The following PM20D1 variants were observed in gnomAD, a reference collection of about 807,000 sequenced individuals.
PM20D1 encodes the protein N-fatty-acyl-amino acid synthase/hydrolase PM20D1.
Under a neutral mutation model 53.8 loss-of-function variants are expected in PM20D1, and 53 were observed. That is an observed-to-expected ratio of 0.98 (90% CI 0.79 to 1.24). The LOEUF (loss-of-function observed/expected upper bound fraction) is 1.24. PM20D1 is among the 50% of genes most tolerant of loss of function. PM20D1 has a pLI of 0.00. For synonymous variants in PM20D1, 239 were observed against 241.3 expected, an observed-to-expected ratio of 0.99 and a Z score of 0.09; for missense variants, 564 against 616.8, an observed-to-expected ratio of 0.91 and a Z score of 0.91.
chr1:205,832,130 G>A (rs1656575395), intron 11 of PM20D1, among the ~76,000 whole-genome samples: 1 of 152,188 alleles, frequency 6.6e-6, no homozygotes, highest in Non-Finnish European at 1.5e-5. Context: ...GGCTGCAGAA[G>A]GGGAACAGAG....
intron 1 of PM20D1, 121 bp from the exon 2 acceptor site, chr1:205,848,092 A>C (rs1433186195): frequency 2.3e-5 from 20 of 873,794 alleles, no homozygotes; most frequent in Non-Finnish European, 3.3e-5. Flanking sequence ...GCAAAACACT[A>C]ATGTGAGGTA....
chr1:205,843,700 G>T lies in PM20D1; in HGVS notation c.794C>A (p.Thr265Lys). Residue 265 changes from threonine (T) to lysine (K), a missense_variant, in exon 6 of 13, where the codon ACA (threonine) becomes AAA (lysine). Coordinates refer to ENST00000367136, the MANE Select transcript of PM20D1 (RefSeq NM_152491.5). ...SGHSSAPPKETSIGILAAAVS... is the reference protein window; with the variant it reads ...SGHSSAPPKEKSIGILAAAVS... Reference sequence around the variant, plus strand: ...AGCAGCTGCAAGGATGCCAATGCTTGTCTCCTTTGGAGGAGCTGAAGAGTG... The same window carrying T: ...AGCAGCTGCAAGGATGCCAATGCTTTTCTCCTTTGGAGGAGCTGAAGAGTG... 1 of 1,614,110 alleles carries T rather than the reference G, an allele frequency of 6.2e-7. No individual in the cohort carries two copies. Among genetic ancestry groups the T allele is most frequent in the East Asian group, 2.2e-5 (1 of 44,880 alleles).
rs148506388 is a variant in PM20D1 at position 205,844,778 on chromosome 1, G to A, written c.576+33C>T. The A allele has an allele frequency of 3.2e-4, 512 of 1,593,774 alleles. No individual in the cohort carries two copies. In the Middle Eastern group the frequency reaches 3.5e-3, roughly 11 times the overall value. ...ACCCACTCCCCTACCCTCAACAGAGGACAGAGATAGGTATAAGGTGAGGAG... is the reference window on the plus strand; with the variant it reads ...ACCCACTCCCCTACCCTCAACAGAGAACAGAGATAGGTATAAGGTGAGGAG... On this transcript the variant is annotated intron_variant, in intron 4 of 12. Coordinates refer to ENST00000367136, the MANE Select transcript of PM20D1 (RefSeq NM_152491.5).
At chr1:205,844,785 A>T in intron 4 of PM20D1, 26 bp downstream of exon 4, 2 of 1,600,360 alleles carry the variant, frequency 1.2e-6, no homozygotes, top group Non-Finnish European at 1.7e-6. Flanking sequence ...GAGGACAGAG[A>T]TAGGTATAAG....
rs755674383 is a variant in PM20D1 at position 205,843,768 on chromosome 1, C to T, written c.726G>A (p.Lys242=). ...KPIALIAVSE[K]GSMNLMLQVN... Reference sequence around the variant, plus strand: ...CTTGCAGCATGAGGTTCATGGAACCCTTCTCTGAGACTGCAATCCTGTAGA... The same window carrying T: ...CTTGCAGCATGAGGTTCATGGAACCTTTCTCTGAGACTGCAATCCTGTAGA... The change falls in exon 6 of 13, where the codon AAG becomes AAA. Residue 242 remains lysine (K), a synonymous_variant. Coordinates refer to ENST00000367136, the MANE Select transcript of PM20D1 (RefSeq NM_152491.5). 8.1e-6 allele frequency: 13 copies of T among 1,613,908 alleles called. No individual in the cohort carries two copies. In the African/African-American group the frequency reaches 1.6e-4, roughly 20 times the overall value.
chr1:205,830,131 T>C (rs1656524959), intron 12 of PM20D1, 149 bp downstream of exon 12: 3 of 594,642 alleles, frequency 5.0e-6, no homozygotes, highest in Admixed American at 5.9e-5. Flanking sequence ...GGACAGTAGA[T>C]GGGTTAGGTT....
intron 11 of PM20D1, among the ~76,000 whole-genome samples, chr1:205,832,143 G>A (rs1656575771): frequency 6.6e-6 from 1 of 152,188 alleles, no homozygotes; most frequent in African/African-American, 2.4e-5. Context: ...GAACAGAGGG[G>A]TGCTGCTGGG....
At chr1:205,845,106 G>C (rs552785813) in intron 3 of PM20D1, among the ~76,000 whole-genome samples, 2 of 152,250 alleles carry the variant, frequency 1.3e-5, no homozygotes, top group East Asian at 3.9e-4. Context: ...AAACATATCA[G>C]TGTCAGGACT....
chr1:205,832,522 G>A, intron 11 of PM20D1, 76 bp downstream of exon 11: 1 of 1,500,356 alleles, frequency 6.7e-7, no homozygotes, highest in Non-Finnish European at 9.2e-7. Flanking sequence ...CTAGGGTGGG[G>A]GTGGGGAAGT....
chr1:205,846,633 A>G (rs764045322), intron 2 of PM20D1, among the ~76,000 whole-genome samples: 6 of 152,216 alleles, frequency 3.9e-5, no homozygotes, highest in Non-Finnish European at 7.3e-5. Flanking sequence ...TTAAAAAGCC[A>G]CACATCTAGT....
intron 11 of PM20D1, among the ~76,000 whole-genome samples, chr1:205,832,294 C>A (rs1318684749): frequency 6.6e-6 from 1 of 152,134 alleles, no homozygotes; most frequent in Non-Finnish European, 1.5e-5. Context: ...AAGATCTTGG[C>A]CCCTTCTGTG....
At chr1:205,834,170 T>C (rs932415526) in intron 10 of PM20D1, among the ~76,000 whole-genome samples, 1 of 150,484 alleles carries the variant, frequency 6.6e-6, no homozygotes, top group African/African-American at 2.5e-5. Context: ...TTTTTTTTTT[T>C]TTTGAGACAG....
At chr1:205,845,761 T>G (rs1255856952) in intron 2 of PM20D1, among the ~76,000 whole-genome samples, 1 of 152,240 alleles carries the variant, frequency 6.6e-6, no homozygotes, top group Non-Finnish European at 1.5e-5. Context: ...TTCAATGTGC[T>G]ATTACTATGT....
intron 11 of PM20D1, among the ~76,000 whole-genome samples, chr1:205,832,136 C>CAGAG (rs1030556311): frequency 6.6e-6 from 1 of 152,120 alleles, no homozygotes; most frequent in African/African-American, 2.4e-5. Flanking sequence ...AGAAGGGGAA[C>CAGAG]AGAGGGGTGC....
At position 205,844,188 on chromosome 1, in the gene PM20D1, T is replaced by C; in HGVS notation, c.606A>G (p.Ser202=). 1 of 1,613,358 alleles carries C rather than the reference T, an allele frequency of 6.2e-7. No homozygotes were observed. Among genetic ancestry groups the C allele is most frequent in the Non-Finnish European group, 8.5e-7 (1 of 1,179,588 alleles). The change falls in exon 5 of 13, where the codon TCA becomes TCG. Residue 202 remains serine, a synonymous_variant. Transcript: ENST00000367136. ...ESSGTGAQRI[S]ALLQSRGVQL... ...GGACGCCCCTTGACTGTAGCAGGGC[T>C]GAGATCCTCTGAGCCCCTGTCCCTG...
chr1:205,843,066 A>G (rs1160986502), intron 6 of PM20D1, among the ~76,000 whole-genome samples: 3 of 152,278 alleles, frequency 2.0e-5, no homozygotes, highest in South Asian at 2.1e-4. Context: ...TTGAATGAAT[A>G]TAGCACTCCT....
intron 11 of PM20D1, among the ~76,000 whole-genome samples, chr1:205,831,005 ATCACC>A (rs1361928802): frequency 6.6e-6 from 1 of 152,204 alleles, no homozygotes; most frequent in Admixed American, 6.5e-5. Flanking sequence ...ACTATAAAAT[ATCACC>A]GTCTTGAATT....
rs765058539 is a variant in PM20D1 at position 205,849,928 on chromosome 1, C to T, written c.145G>A (p.Val49Ile). The change falls in exon 1 of 13, where the codon GTC (valine) becomes ATC (isoleucine). Residue 49 changes from valine (V) to isoleucine (I), a missense_variant. By Grantham distance (29) the Val-to-Ile change is conservative. Coordinates refer to ENST00000367136, the MANE Select transcript of PM20D1 (RefSeq NM_152491.5). ...IPSQFSKEER[V>I]AMKEALKGAI... is the part of the protein sequence containing the mutation. ...CCTTTCAGCGCCTCTTTCATCGCGA[C>T]GCGTTCCTCTTTGCTGAACTGAGAA... 1.9e-6 allele frequency: 3 copies of T among 1,613,298 alleles called. No individual in the cohort carries two copies. The highest frequency in any genetic ancestry group is 1.7e-6 in the Non-Finnish European group (2 of 1,179,440).
chr1:205,835,651 C>CTAA (rs1656668866), intron 10 of PM20D1, among the ~76,000 whole-genome samples: 1 of 55,558 alleles, frequency 1.8e-5, no homozygotes, highest in African/African-American at 7.4e-5. Flanking sequence ...GACTCCGACT[C>CTAA]AAAAAAAAAA....
Sources: allele counts gnomAD v4.1 joint callset (sites outside exome capture counted in the v4.1 genomes callset), GRCh38; gene constraint gnomAD v4.1.1; transcripts MANE v1.5; gene names NCBI Gene and HGNC (gene_info 2026-07-23, HGNC 2026-07-21).